Variants in PLCXD3 observed in about 807,000 individuals in gnomAD.
PLCXD3 encodes the protein phosphatidylinositol specific phospholipase C X domain containing 3, also known as PI-PLC X domain-containing protein 3.
PLCXD3 carries 19 observed loss-of-function variants against 25.5 expected under a neutral mutation model. That is an observed-to-expected ratio of 0.75 (90% CI 0.52 to 1.09). PLCXD3 has a LOEUF of 1.09. Among genes scored for constraint, PLCXD3 ranks in the 50% least tolerant of loss-of-function variants. PLCXD3 has a pLI of 0.00. For missense variants in PLCXD3, 411 were observed against 388.1 expected (o/e 1.06, Z -0.50); for synonymous variants, 174 against 137.6 (o/e 1.26, Z -1.85).
At chr5:41,364,024 A>G (rs1420469768) in intron 2 of PLCXD3, among the ~76,000 whole-genome samples, 1 of 152,174 alleles carries the variant, frequency 6.6e-6, no homozygotes, top group Admixed American at 6.5e-5. Context: ...TTTTTTGTGC[A>G]GTGGCAGCTC....
chr5:41,502,271 G>A (rs1748967278), intron 1 of PLCXD3, among the ~76,000 whole-genome samples: 1 of 152,092 alleles, frequency 6.6e-6, no homozygotes, highest in African/African-American at 2.4e-5. Flanking sequence ...GGGAAACTGA[G>A]GAAGATCTTG....
At chr5:41,488,613 T>C (rs1186505297) in intron 1 of PLCXD3, among the ~76,000 whole-genome samples, 2 of 146,016 alleles carry the variant, frequency 1.4e-5, no homozygotes, top group Admixed American at 6.7e-5. Context: ...TTTTTAATGA[T>C]TGCCATTCTA....
chr5:41,470,174 G>C (rs1748118896), intron 1 of PLCXD3, among the ~76,000 whole-genome samples: 1 of 152,022 alleles, frequency 6.6e-6, no homozygotes, highest in African/African-American at 2.4e-5. Context: ...AACAAAGGGG[G>C]GTGGCAGTTA....
intron 1 of PLCXD3, among the ~76,000 whole-genome samples, chr5:41,427,086 T>G (rs1030772118): frequency 6.6e-6 from 1 of 152,176 alleles, no homozygotes; most frequent in Non-Finnish European, 1.5e-5. Context: ...AATGTTTCCA[T>G]GTGGATAAAT....
At chr5:41,398,617 GA>G (rs1746082309) in intron 1 of PLCXD3, among the ~76,000 whole-genome samples, 1 of 152,052 alleles carries the variant, frequency 6.6e-6, no homozygotes, top group African/African-American at 2.4e-5. Flanking sequence ...ACAGAATGAA[GA>G]ATAAAAACTA....
chr5:41,313,840 T>G, intron 2 of PLCXD3, 70 bp from the exon 3 acceptor site: 1 of 1,468,606 alleles, frequency 6.8e-7, no homozygotes, highest in Non-Finnish European at 9.1e-7. Flanking sequence ...CAATTCTCAG[T>G]CTTCCCTTTA....
At position 41,373,002 on chromosome 5, in the gene PLCXD3, C is replaced by T. The variant is rs143443983; in HGVS notation, c.812+8824G>A. On this transcript the variant is annotated intron_variant, in intron 2 of 2. Coordinates refer to ENST00000377801, the MANE Select transcript of PLCXD3 (RefSeq NM_001005473.3). ...GAGGTTGCAGTGAGCCAAGATCATG[C>T]CACTGTACTCCAGCCTGGGTGACAG... Among the ~76,000 whole-genome samples the T allele has an allele frequency of 5.4e-3, 815 of 152,172 alleles. 12 individuals are homozygous for T. Among genetic ancestry groups the T allele is most frequent in the African/African-American group, 0.019 (770 of 41,526 alleles).
intron 1 of PLCXD3, among the ~76,000 whole-genome samples, chr5:41,434,299 T>TG (rs1747184360): frequency 6.6e-6 from 1 of 152,272 alleles, no homozygotes; most frequent in Non-Finnish European, 1.5e-5. Flanking sequence ...CAATGAATAC[T>TG]GAGTGCTAGA....
intron 2 of PLCXD3, among the ~76,000 whole-genome samples, chr5:41,380,024 T>C (rs1432473976): frequency 6.6e-6 from 1 of 152,084 alleles, no homozygotes; most frequent in African/African-American, 2.4e-5. Context: ...TATGATTTTA[T>C]GTGGAGGAAC....
intron 1 of PLCXD3, among the ~76,000 whole-genome samples, chr5:41,472,054 G>A (rs542414187): frequency 1.4e-5 from 2 of 143,850 alleles, no homozygotes; most frequent in East Asian, 4.1e-4. Context: ...TGACAACCAA[G>A]ACTCCAAGCA....
At chr5:41,392,675 ACAT>A (rs1745865888) in intron 1 of PLCXD3, among the ~76,000 whole-genome samples, 1 of 152,222 alleles carries the variant, frequency 6.6e-6, no homozygotes, top group Non-Finnish European at 1.5e-5. Flanking sequence ...GCTAGCATCA[ACAT>A]CATCCAGGAA....
chr5:41,357,390 A>G (rs1394896693), intron 2 of PLCXD3, among the ~76,000 whole-genome samples: 2 of 152,224 alleles, frequency 1.3e-5, no homozygotes, highest in East Asian at 1.9e-4. Context: ...AATTTGTTGG[A>G]TATTAGTTCT....
At chr5:41,413,475 A>G (rs541631955) in intron 1 of PLCXD3, among the ~76,000 whole-genome samples, 1 of 152,332 alleles carries the variant, frequency 6.6e-6, no homozygotes, top group East Asian at 1.9e-4. Context: ...TCTGGCCCCA[A>G]TAAACTCAAA....
At chr5:41,410,200 C>T (rs931580226) in intron 1 of PLCXD3, among the ~76,000 whole-genome samples, 12 of 147,022 alleles carry the variant, frequency 8.2e-5, no homozygotes, top group Admixed American at 2.2e-4. Flanking sequence ...AGTACAGTGG[C>T]GTGATCTCGG....
chr5:41,413,852 T>G (rs953491189), intron 1 of PLCXD3, among the ~76,000 whole-genome samples: 1 of 152,112 alleles, frequency 6.6e-6, no homozygotes, highest in African/African-American at 2.4e-5. Context: ...GATACAAATA[T>G]GTTTTTCAAA....
chr5:41,439,584 T>G (rs1430290678), intron 1 of PLCXD3, among the ~76,000 whole-genome samples: 2 of 152,022 alleles, frequency 1.3e-5, no homozygotes, highest in Non-Finnish European at 2.9e-5. Flanking sequence ...GTTCTAAGAG[T>G]TGCAAAGCCC....
At chr5:41,387,434 A>G (rs1745672944) in intron 1 of PLCXD3, among the ~76,000 whole-genome samples, 1 of 152,152 alleles carries the variant, frequency 6.6e-6, no homozygotes, top group Non-Finnish European at 1.5e-5. Context: ...ACAATAGAAA[A>G]CTAATACATT....
chr5:41,473,619 A>ATT (rs540598906), intron 1 of PLCXD3, among the ~76,000 whole-genome samples: 15 of 148,574 alleles, frequency 1.0e-4, no homozygotes, highest in Non-Finnish European at 9.0e-5. Context: ...CGCCCCGCTA[A>ATT]TTTTTTTTTT....
intron 2 of PLCXD3, among the ~76,000 whole-genome samples, chr5:41,377,240 T>A (rs1745323128): frequency 1.3e-5 from 2 of 152,064 alleles, no homozygotes; most frequent in South Asian, 4.1e-4. Flanking sequence ...GGAGGTTTTA[T>A]AAATATTGAA....
Sources: gnomAD v4.1 joint callset for allele counts (sites outside exome capture counted in the v4.1 genomes callset) on GRCh38, gnomAD v4.1.1 for gene constraint, MANE v1.5 for transcripts, NCBI Gene and HGNC (gene_info 2026-07-23, HGNC 2026-07-21) for gene names.